NRXN1: variants seen among roughly 807,000 people sequenced by gnomAD.
NRXN1 encodes the protein neurexin 1, also known as neurexin-1.
Under a neutral mutation model 150.9 loss-of-function variants are expected in NRXN1, and 39 were observed. That is an observed-to-expected ratio of 0.26 (90% confidence interval 0.20 to 0.34). NRXN1 has a LOEUF of 0.34. NRXN1 is among the 10% of genes least tolerant of loss of function. NRXN1 has a pLI of 1.00. For synonymous variants in NRXN1, 924 were observed against 757.0 expected, an observed-to-expected ratio of 1.22 and a Z score of -3.62; for missense variants, 1,815 against 1,949.9, an observed-to-expected ratio of 0.93 and a Z score of 1.30.
intron 5 of NRXN1, among the ~76,000 whole-genome samples, chr2:50,753,971 G>A (rs1221043599): frequency 7.2e-6 from 1 of 138,078 alleles, no homozygotes; most frequent in Middle Eastern, 3.5e-3. Context: ...TTTTGGGGGG[G>A]GGCGGAATTC....
chr2:50,938,708 T>C (rs537222056), intron 2 of NRXN1, among the ~76,000 whole-genome samples: 1 of 152,146 alleles, frequency 6.6e-6, no homozygotes, highest in East Asian at 1.9e-4. Context: ...ATTTCATTTT[T>C]AGCAAAATGC....
At chr2:50,921,800 C>T in intron 5 of NRXN1, 69 bp downstream of exon 5, 4 of 734,228 alleles carry the variant, frequency 5.4e-6, no homozygotes, top group Non-Finnish European at 4.1e-6. Context: ...GGTCTAAATA[C>T]ATTTATGTAA....
At chr2:50,310,806 C>G (rs372187608) in intron 17 of NRXN1, among the ~76,000 whole-genome samples, 1 of 151,986 alleles carries the variant, frequency 6.6e-6, no homozygotes, top group African/African-American at 2.4e-5. Flanking sequence ...AGAAAATATT[C>G]GTGAAGACGA....
intron 18 of NRXN1, among the ~76,000 whole-genome samples, chr2:50,127,072 G>T (rs980165449): frequency 8.5e-5 from 13 of 152,178 alleles, no homozygotes; most frequent in Middle Eastern, 3.4e-3. Flanking sequence ...GAGTTGAAAT[G>T]ATTAGCAGTA....
At chr2:50,858,275 G>A (rs1413642760) in intron 5 of NRXN1, among the ~76,000 whole-genome samples, 2 of 151,948 alleles carry the variant, frequency 1.3e-5, no homozygotes, top group African/African-American at 2.4e-5. Context: ...AAATTTCTAT[G>A]AGGCTTTGAT....
intron 5 of NRXN1, among the ~76,000 whole-genome samples, chr2:50,698,462 G>A (rs988013387): frequency 6.6e-6 from 1 of 152,152 alleles, no homozygotes; most frequent in South Asian, 2.1e-4. Context: ...TTATCTTAGT[G>A]TTGGAATATA....
At chr2:50,503,011 G>A (rs77290190) in intron 13 of NRXN1, among the ~76,000 whole-genome samples, 493 of 152,024 alleles carry the variant, frequency 3.2e-3, no homozygotes, top group African/African-American at 0.011. Context: ...CTGTTATTCC[G>A]AGAAGTAAGA....
intron 21 of NRXN1, among the ~76,000 whole-genome samples, chr2:50,025,385 C>T (rs540689745): frequency 5.3e-5 from 8 of 152,152 alleles, no homozygotes; most frequent in East Asian, 1.9e-4. Flanking sequence ...CTGGCTTATA[C>T]GGCGACAAGG....
chr2:50,926,473 C>T (rs1208004191), intron 2 of NRXN1, among the ~76,000 whole-genome samples: 1 of 151,748 alleles, frequency 6.6e-6, no homozygotes, highest in African/African-American at 2.4e-5. Flanking sequence ...AATTGCTTTC[C>T]TTAAAGAAAA....
At chr2:50,868,207 A>G (rs116802924) in intron 5 of NRXN1, among the ~76,000 whole-genome samples, 6,231 of 144,292 alleles carry the variant, frequency 0.043, 217 homozygotes, top group Middle Eastern at 0.074. Flanking sequence ...ACACACAGGA[A>G]TACTATGCAG....
chr2:50,421,333 T>G (rs1441548082), intron 17 of NRXN1, among the ~76,000 whole-genome samples: 2 of 152,078 alleles, frequency 1.3e-5, no homozygotes, highest in East Asian at 3.9e-4. Flanking sequence ...CCCTTCCCCC[T>G]TCACTTTCTA....
chr2:50,734,389 A>T (rs1438519754), intron 5 of NRXN1, among the ~76,000 whole-genome samples: 1 of 152,170 alleles, frequency 6.6e-6, no homozygotes, highest in Non-Finnish European at 1.5e-5. Flanking sequence ...ATCCAGGAAA[A>T]ACAAGGGCAG....
chr2:50,609,217 T>C (rs1390315194), intron 8 of NRXN1, among the ~76,000 whole-genome samples: 1 of 152,098 alleles, frequency 6.6e-6, no homozygotes, highest in Non-Finnish European at 1.5e-5. Context: ...GTGTGCAAAA[T>C]CTCATAAATT....
At chr2:50,160,727 A>C (rs2059314087) in intron 18 of NRXN1, among the ~76,000 whole-genome samples, 1 of 152,180 alleles carries the variant, frequency 6.6e-6, no homozygotes, top group Admixed American at 6.5e-5. Context: ...AACACTATCC[A>C]GAAAGCCCTC....
intron 5 of NRXN1, among the ~76,000 whole-genome samples, chr2:50,910,064 A>G (rs1684307987): frequency 6.6e-6 from 1 of 151,822 alleles, no homozygotes; most frequent in South Asian, 2.1e-4. Context: ...AAATGAAACA[A>G]AAAAAATGTA....
chr2:50,301,015 A>C (rs1425161474), intron 17 of NRXN1, among the ~76,000 whole-genome samples: 1 of 152,074 alleles, frequency 6.6e-6, no homozygotes, highest in African/African-American at 2.4e-5. Context: ...TCTTTGACCA[A>C]GCAGATAAGG....
At chr2:50,318,957 T>C (rs1340636027) in intron 17 of NRXN1, among the ~76,000 whole-genome samples, 2 of 152,122 alleles carry the variant, frequency 1.3e-5, no homozygotes, top group Admixed American at 6.5e-5. Flanking sequence ...GGTAAATTAT[T>C]ATCACAATAA....
chr2:50,193,343 T>G (rs1425852009), intron 18 of NRXN1, among the ~76,000 whole-genome samples: 1 of 152,134 alleles, frequency 6.6e-6, no homozygotes, highest in East Asian at 1.9e-4. Context: ...AGCCTACGAG[T>G]GTTCTGGTAT....
intron 17 of NRXN1, among the ~76,000 whole-genome samples, chr2:50,366,876 C>G (rs2153015276): frequency 6.6e-6 from 1 of 152,068 alleles, no homozygotes; most frequent in East Asian, 1.9e-4. Flanking sequence ...TGTCACCTAC[C>G]TTTGGACTTC....
Sources: allele counts gnomAD v4.1 joint callset (sites outside exome capture counted in the v4.1 genomes callset), GRCh38; gene constraint gnomAD v4.1.1; transcripts MANE v1.5; gene names NCBI Gene and HGNC (gene_info 2026-07-23, HGNC 2026-07-21).